TMEM114: variants seen among roughly 807,000 people sequenced by gnomAD.
TMEM114 encodes the protein transmembrane protein 114.
TMEM114 carries 6 observed loss-of-function variants against 6.2 expected under a neutral mutation model. The ratio of observed to expected loss-of-function variants is 0.97; its 90% CI spans 0.53 to 1.91. The LOEUF (loss-of-function observed/expected upper bound fraction) is 1.91, where lower values mean the gene tolerates loss of function less well. Among genes scored for constraint, TMEM114 ranks in the 40% most tolerant of loss-of-function variants. TMEM114 has a pLI of 0.01. For missense variants in TMEM114, 218 were observed against 158.3 expected (o/e 1.38, Z -2.02); for synonymous variants, 104 against 73.0 (o/e 1.42, Z -2.16).
intron 2 of TMEM114, among the ~76,000 whole-genome samples, chr16:8,560,972 C>G (rs1032252375): frequency 2.6e-5 from 4 of 152,218 alleles, no homozygotes; most frequent in African/African-American, 7.2e-5. Flanking sequence ...TATATCACAG[C>G]AGGCGAGACA....
At chr16:8,581,373 G>T (rs7194076) in intron 2 of TMEM114, among the ~76,000 whole-genome samples, 52,250 of 152,092 alleles carry the variant, frequency 0.34, 9,208 homozygotes, top group Middle Eastern at 0.45. Flanking sequence ...GGGCAGTGAG[G>T]CTATACAGAC....
intron 2 of TMEM114, among the ~76,000 whole-genome samples, chr16:8,555,327 T>C (rs1022444656): frequency 6.6e-6 from 1 of 152,246 alleles, no homozygotes; most frequent in Admixed American, 6.5e-5. Context: ...TGACTGCTCC[T>C]GCAAGAGCAG....
chr16:8,570,599 TG>T (rs1389074550), intron 3 of TMEM114, among the ~76,000 whole-genome samples: 2 of 152,220 alleles, frequency 1.3e-5, no homozygotes, highest in Non-Finnish European at 2.9e-5. Flanking sequence ...CCTAACGTGC[TG>T]GGATTGCAGG....
chr16:8,535,084 G>T (rs1274289191), downstream of TMEM114, among the ~76,000 whole-genome samples: 1 of 152,130 alleles, frequency 6.6e-6, no homozygotes, highest in Non-Finnish European at 1.5e-5. Context: ...TGTGAGTGGT[G>T]GGAAGTCTCA....
chr16:8,582,571 G>A (rs1902187328), intron 2 of TMEM114, among the ~76,000 whole-genome samples: 3 of 152,220 alleles, frequency 2.0e-5, no homozygotes. Flanking sequence ...ACTCAGAGTT[G>A]CATTGCTTCA....
At chr16:8,532,965 T>G (rs1900259452), downstream of TMEM114, among the ~76,000 whole-genome samples, 1 of 152,164 alleles carries the variant, frequency 6.6e-6, no homozygotes, top group African/African-American at 2.4e-5. Flanking sequence ...ATTCATTCAT[T>G]CAACAGATGT....
chr16:8,545,083 TA>T (rs1900621853), intron 2 of TMEM114, among the ~76,000 whole-genome samples: 2 of 152,208 alleles, frequency 1.3e-5, no homozygotes, highest in Non-Finnish European at 2.9e-5. Flanking sequence ...ATCAGGCCTA[TA>T]TTGCACCCTT....
At chr16:8,558,888 G>A (rs1224745979) in intron 2 of TMEM114, among the ~76,000 whole-genome samples, 3 of 149,472 alleles carry the variant, frequency 2.0e-5, no homozygotes, top group South Asian at 4.3e-4. Flanking sequence ...CTGCAGGCAC[G>A]TGCCACCATG....
the TMEM114 span, among the ~76,000 whole-genome samples, chr16:8,527,368 A>G: frequency 3.3e-5 from 5 of 152,310 alleles, no homozygotes; most frequent in Admixed American, 6.5e-5. Context: ...ACCCAAATTC[A>G]AATCCTGCCT....
chr16:8,583,677 G>T (rs1902225181), intron 2 of TMEM114, among the ~76,000 whole-genome samples: 1 of 151,990 alleles, frequency 6.6e-6, no homozygotes, highest in Non-Finnish European at 1.5e-5. Context: ...GAGCCTGGGA[G>T]TTCGAGGCTG....
chr16:8,541,076 C>G (rs1032708205), intron 2 of TMEM114, among the ~76,000 whole-genome samples: 1 of 152,112 alleles, frequency 6.6e-6, no homozygotes, highest in African/African-American at 2.4e-5. Context: ...CATGCAGGGT[C>G]TAATGATAAT....
At chr16:8,530,040 T>A in the TMEM114 span, among the ~76,000 whole-genome samples, 3 of 152,246 alleles carry the variant, frequency 2.0e-5, 1 homozygote, top group Admixed American at 2.0e-4. Context: ...TTTTACTCCA[T>A]ACCAATTCTA....
chr16:8,586,377 G>T (rs576529513), intron 2 of TMEM114, among the ~76,000 whole-genome samples: 147 of 152,078 alleles, frequency 9.7e-4, no homozygotes, highest in African/African-American at 3.2e-3. Context: ...TCATTTTGAC[G>T]GATGTGAACA....
At chr16:8,528,026 A>C in the TMEM114 span, among the ~76,000 whole-genome samples, 143 of 152,150 alleles carry the variant, frequency 9.4e-4, no homozygotes, top group African/African-American at 3.3e-3. Flanking sequence ...CTCCCGCCTC[A>C]GCTTCCTGCG....
intron 2 of TMEM114, among the ~76,000 whole-genome samples, chr16:8,563,781 C>G (rs61720743): frequency 0.7 from 100,703 of 143,256 alleles, 30,820 homozygotes; most frequent in African/African-American, 0.85. Context: ...GAGTGAATGA[C>G]TGAGTGAGTA....
chr16:8,571,439 GTGGTGAGAACTAAAATCTACTCT>G (rs1901729545), intron 3 of TMEM114, among the ~76,000 whole-genome samples: 1 of 152,162 alleles, frequency 6.6e-6, no homozygotes, highest in South Asian at 2.1e-4. Flanking sequence ...TCTTTTGTGT[GTGGTGAGAACTAAAATCTACTCT>G]CAGCGATTTT....
Position 8,553,264 on chromosome 16 carries a change from T to C in TMEM114, n.213-15438A>G, listed in dbSNP as rs148693519. 3.4e-4 allele frequency among the ~76,000 whole-genome samples: 52 copies of C among 152,318 alleles called. 1 individual carries two copies. Among genetic ancestry groups the C allele is most frequent in the African/African-American group, 1.1e-3 (47 of 41,578 alleles). ...CTGTGATTTAATGGGCATTCTTTCA[T>C]ATCACTTTGAAATTGAGGTTCTGGA... On this transcript the variant is annotated intron_variant and non_coding_transcript_variant, in intron 2 of 2. Coordinates refer to the TMEM114 transcript ENST00000623677.
At chr16:8,577,036 G>A (rs1156903505) in intron 2 of TMEM114, among the ~76,000 whole-genome samples, 1 of 152,302 alleles carries the variant, frequency 6.6e-6, no homozygotes, top group East Asian at 1.9e-4. Flanking sequence ...GGAAAGCATG[G>A]AGTATTTAGA....
intron 2 of TMEM114, among the ~76,000 whole-genome samples, chr16:8,539,704 A>G (rs1340809416): frequency 6.6e-6 from 1 of 152,222 alleles, no homozygotes; most frequent in Non-Finnish European, 1.5e-5. Flanking sequence ...TGTTGTTCAT[A>G]TAGATCTCAT....
Sources: gnomAD v4.1 joint callset for allele counts (sites outside exome capture counted in the v4.1 genomes callset) on GRCh38, gnomAD v4.1.1 for gene constraint, MANE v1.5 for transcripts, NCBI Gene and HGNC (gene_info 2026-07-23, HGNC 2026-07-21) for gene names.